The following THSD7A variants were observed in gnomAD, a reference collection of about 807,000 sequenced individuals.
THSD7A encodes the protein thrombospondin type 1 domain containing 7A.
In THSD7A, 96 loss-of-function variants were observed where a neutral mutation model predicts 231.3. The observed-to-expected ratio is 0.41, with a 90% CI of 0.35 to 0.49. The LOEUF (loss-of-function observed/expected upper bound fraction) is 0.49, where lower values mean the gene tolerates loss of function less well. Among genes scored for constraint, THSD7A ranks in the 20% least tolerant of loss-of-function variants. The pLI is 0.05. For missense variants in THSD7A, 2,290 were observed against 2,070.2 expected, an observed-to-expected ratio of 1.11 and a Z score of -2.06; for synonymous variants, 940 against 743.3, an observed-to-expected ratio of 1.26 and a Z score of -4.30.
chr7:11,693,687 C>T (rs1780303191), intron 1 of THSD7A, among the ~76,000 whole-genome samples: 1 of 151,456 alleles, frequency 6.6e-6, no homozygotes, highest in Non-Finnish European at 1.5e-5. Context: ...CTGTTTTCCT[C>T]ATCTAGAAAT....
rs1236793956 is a variant in THSD7A, at chr7:11,444,732, C to A, written c.3064+1329G>T. On this transcript the variant is annotated intron_variant, in intron 13 of 27. Coordinates refer to ENST00000423059, the MANE Select transcript of THSD7A (RefSeq NM_015204.3). The surrounding 1 kb of genome is among the most constrained non-coding windows in gnomAD (Gnocchi z 4.2). ...AACCTGCACTTTCTGTACATGTATC[C>A]CAGAACTTAAAGTATAACAAAAAAA... Among the ~76,000 whole-genome samples, 1 of 150,322 alleles carries A rather than the reference C, an allele frequency of 6.7e-6. No individual in the cohort carries two copies. The highest frequency in any genetic ancestry group is 1.5e-5 in the Non-Finnish European group (1 of 67,704).
At chr7:11,675,832 G>T (rs767463717) in intron 1 of THSD7A, among the ~76,000 whole-genome samples, 1 of 152,184 alleles carries the variant, frequency 6.6e-6, no homozygotes, top group South Asian at 2.1e-4. Flanking sequence ...GCGGCTGTGG[G>T]TGCAGCTTCA....
chr7:11,475,251 G>C (rs1354394148), intron 7 of THSD7A, among the ~76,000 whole-genome samples: 1 of 152,046 alleles, frequency 6.6e-6, no homozygotes, highest in African/African-American at 2.4e-5. Flanking sequence ...TCCTGCTATT[G>C]TAGCCTGAAT....
At chr7:11,736,407 G>A (rs1239740444) in intron 1 of THSD7A, among the ~76,000 whole-genome samples, 8 of 151,930 alleles carry the variant, frequency 5.3e-5, no homozygotes, top group Non-Finnish European at 1.2e-4. Context: ...GCTACAGTGA[G>A]CCATGGTGGT....
At chr7:11,430,098 A>G (rs1396564736) in intron 13 of THSD7A, among the ~76,000 whole-genome samples, 8 of 152,196 alleles carry the variant, frequency 5.3e-5, no homozygotes, top group Admixed American at 4.6e-4. Context: ...TCTTGGTACA[A>G]GAAAACACTC....
intron 2 of THSD7A, among the ~76,000 whole-genome samples, chr7:11,627,934 T>C (rs1328081367): frequency 6.6e-6 from 1 of 152,150 alleles, no homozygotes; most frequent in African/African-American, 2.4e-5. Context: ...GTATATAAAA[T>C]AAGCTAAAAT....
intron 1 of THSD7A, among the ~76,000 whole-genome samples, chr7:11,702,675 T>C (rs1456303103): frequency 6.6e-6 from 1 of 151,202 alleles, no homozygotes; most frequent in Admixed American, 6.6e-5. Flanking sequence ...GCTGGGAATC[T>C]TGGGGAGTCA....
intron 1 of THSD7A, among the ~76,000 whole-genome samples, chr7:11,799,741 C>T (rs1476983906): frequency 1.3e-5 from 2 of 152,010 alleles, no homozygotes; most frequent in East Asian, 1.9e-4. Flanking sequence ...TTGTTTTTTG[C>T]TTAATGATTA....
At chr7:11,752,846 A>G (rs1782546816) in intron 1 of THSD7A, among the ~76,000 whole-genome samples, 1 of 152,082 alleles carries the variant, frequency 6.6e-6, no homozygotes, top group Non-Finnish European at 1.5e-5. Flanking sequence ...GGATTGCTTG[A>G]GGCCGAGAGG....
At chr7:11,797,546 A>C (rs1046283221) in intron 1 of THSD7A, among the ~76,000 whole-genome samples, 2 of 151,290 alleles carry the variant, frequency 1.3e-5, no homozygotes, top group African/African-American at 4.9e-5. Context: ...CCTCCTGAGT[A>C]ACTGGGACTA....
At chr7:11,438,791 T>G (rs948210100) in intron 13 of THSD7A, among the ~76,000 whole-genome samples, 16 of 152,002 alleles carry the variant, frequency 1.1e-4, no homozygotes, top group African/African-American at 3.9e-4. Context: ...TCATGATTCT[T>G]AGAGCACAAA....
chr7:11,815,637 G>A (rs944936238), intron 1 of THSD7A, among the ~76,000 whole-genome samples: 4 of 152,044 alleles, frequency 2.6e-5, no homozygotes, highest in African/African-American at 9.7e-5. Flanking sequence ...TGGAAAGTTT[G>A]CAAGGAGAAT....
At chr7:11,435,076 A>C (rs575658078) in intron 13 of THSD7A, among the ~76,000 whole-genome samples, 1 of 152,084 alleles carries the variant, frequency 6.6e-6, no homozygotes, top group East Asian at 1.9e-4. Context: ...GTATTTATAA[A>C]TTTTCACAGA....
rs1475389289 is a variant in THSD7A, at chr7:11,372,166, C to A, written c.*3628G>T. ...GGTGGGGCAGGGAAAAATCAAACTC[C>A]TAATACTGTGGCCTAAAGACATGTA... On this transcript the variant is annotated 3_prime_UTR_variant, in exon 28 of 28. Coordinates refer to ENST00000423059, the MANE Select transcript of THSD7A (RefSeq NM_015204.3). The A allele has an allele frequency of 6.6e-6, 1 of 152,014 alleles. No homozygotes were observed. The highest frequency in any genetic ancestry group is 1.5e-5 in the Non-Finnish European group (1 of 68,016). 9.4% of individuals were successfully genotyped at this position (152,014 alleles called of 1,614,324 possible). A position where few individuals can be genotyped will look rare whatever the true frequency, so the allele number is the denominator to read the frequency against.
chr7:11,497,522 G>C (rs1251865384), intron 6 of THSD7A, among the ~76,000 whole-genome samples: 6 of 151,944 alleles, frequency 3.9e-5, no homozygotes, highest in African/African-American at 1.2e-4. Context: ...ATCCAATGTT[G>C]TTTCAAAGAT....
intron 23 of THSD7A, among the ~76,000 whole-genome samples, chr7:11,391,236 G>T (rs2115329584): frequency 6.6e-6 from 1 of 152,258 alleles, no homozygotes. Flanking sequence ...GAGATAGATA[G>T]GAGTTTTATC....
intron 23 of THSD7A, among the ~76,000 whole-genome samples, chr7:11,398,766 C>T (rs1783288876): frequency 6.6e-6 from 1 of 152,040 alleles, no homozygotes. Flanking sequence ...CATCTACACA[C>T]CAGAGAGGTT....
intron 6 of THSD7A, among the ~76,000 whole-genome samples, chr7:11,502,261 G>A (rs573430520): frequency 1.1e-4 from 17 of 152,262 alleles, no homozygotes; most frequent in Middle Eastern, 3.4e-3. Flanking sequence ...GGATTAGGAG[G>A]AGGGACTTCT....
At chr7:11,448,209 G>A (rs372504863) in intron 11 of THSD7A, among the ~76,000 whole-genome samples, 26 of 151,622 alleles carry the variant, frequency 1.7e-4, no homozygotes, top group South Asian at 6.3e-4. Flanking sequence ...AAATTATTTC[G>A]CCTATGATAT....
Sources: allele counts gnomAD v4.1 joint callset (sites outside exome capture counted in the v4.1 genomes callset), GRCh38; gene constraint gnomAD v4.1.1; non-coding constraint Gnocchi (gnomAD v3.1); transcripts MANE v1.5; gene names NCBI Gene and HGNC (gene_info 2026-07-23, HGNC 2026-07-21).